Variants in BPIFB1 observed in about 807,000 individuals in gnomAD.
The protein encoded by BPIFB1 is BPI fold-containing family B member 1.
BPIFB1 carries 34 observed loss-of-function variants against 55.1 expected under a neutral mutation model. The observed-to-expected ratio is 0.62, with a 90% CI of 0.47 to 0.82. BPIFB1 has a LOEUF of 0.82. BPIFB1 is among the 40% of genes least tolerant of loss of function. The pLI, the probability that BPIFB1 is intolerant of heterozygous loss-of-function variation, is 0.00. For synonymous variants in BPIFB1, 236 were observed against 245.3 expected, an observed-to-expected ratio of 0.96 and a Z score of 0.35; for missense variants, 532 against 593.1, an observed-to-expected ratio of 0.90 and a Z score of 1.07.
At chr20:33,294,448 C>A (rs958517126) in intron 6 of BPIFB1, among the ~76,000 whole-genome samples, 1 of 152,112 alleles carries the variant, frequency 6.6e-6, no homozygotes, top group Non-Finnish European at 1.5e-5. Flanking sequence ...GAGACTCCGA[C>A]CTTTTAGCAA....
In BPIFB1 at chr20:33,295,778, G is replaced by A. The variant is rs1005022996; in HGVS notation, c.598-1747G>A. On this transcript the variant is annotated intron_variant, in intron 6 of 15. Coordinates refer to ENST00000253354, the MANE Select transcript of BPIFB1 (RefSeq NM_033197.3). ...AGAAAGAGAGAGAGAAGAAAGGAAG[G>A]AAAGAAGGAAGGAAGGAAGGGGAAG... Among the ~76,000 whole-genome samples, 45 of 145,110 alleles carry A rather than the reference G, an allele frequency of 3.1e-4. 2 individuals carry two copies. The highest frequency in any genetic ancestry group is 6.2e-4 in the Admixed American group (9 of 14,428).
intron 13 of BPIFB1, among the ~76,000 whole-genome samples, chr20:33,305,667 C>G (rs1416006923): frequency 3.3e-5 from 5 of 152,124 alleles, no homozygotes; most frequent in Non-Finnish European, 5.9e-5. Flanking sequence ...GGACTTCTGG[C>G]TTCCCTCCAG....
intron 13 of BPIFB1, 37 bp downstream of exon 13, chr20:33,304,928 G>C (rs770521223): frequency 6.2e-7 from 1 of 1,610,866 alleles, no homozygotes; most frequent in Non-Finnish European, 8.5e-7. Flanking sequence ...GGCACAGGGG[G>C]TGGCCTGGAA....
At chr20:33,299,835 C>A in intron 7 of BPIFB1, 64 bp from the exon 8 acceptor site, 1 of 1,352,390 alleles carries the variant, frequency 7.4e-7, no homozygotes, top group Non-Finnish European at 1.1e-6. Flanking sequence ...GGAAGCAGCC[C>A]CCCAACTTCC....
At chr20:33,299,009 CT>C in intron 7 of BPIFB1, 1 of 145,526 alleles carries the variant, frequency 6.9e-6, no homozygotes, top group Non-Finnish European at 1.3e-5. Context: ...GACCTTTTTT[CT>C]TTTTTTAAAG....
chr20:33,286,743 T>C (rs1048078771), intron 2 of BPIFB1, among the ~76,000 whole-genome samples: 2 of 152,250 alleles, frequency 1.3e-5, no homozygotes, highest in Non-Finnish European at 2.9e-5. Context: ...ACCTCAGCAC[T>C]TCTGATGTTG....
intron 11 of BPIFB1, 71 bp from the exon 12 acceptor site, chr20:33,303,887 C>T: frequency 6.7e-7 from 1 of 1,497,802 alleles, no homozygotes; most frequent in Non-Finnish European, 9.3e-7. Flanking sequence ...CCCAGAGCCT[C>T]CCTGCATAAC....
At chr20:33,290,730 G>C (rs942709973) in intron 4 of BPIFB1, among the ~76,000 whole-genome samples, 16 of 152,210 alleles carry the variant, frequency 1.1e-4, no homozygotes, top group Non-Finnish European at 1.9e-4. Flanking sequence ...GGAGTAGGGG[G>C]CTGGGGGTAA....
intron 15 of BPIFB1, 200 bp downstream of exon 15, chr20:33,307,187 C>G: frequency 1.8e-6 from 1 of 560,332 alleles, no homozygotes; most frequent in Non-Finnish European, 3.2e-6. Context: ...AGCCTGGGGT[C>G]AGTACACTTT....
chr20:33,306,842 C>T, intron 14 of BPIFB1, 69 bp from the exon 15 acceptor site: 1 of 1,379,108 alleles, frequency 7.3e-7, no homozygotes, highest in Non-Finnish European at 1.0e-6. Context: ...TTCAGGAACC[C>T]TGAGCCTGCC....
At chr20:33,302,250 C>T in intron 9 of BPIFB1, 109 bp from the exon 10 acceptor site, 1 of 1,150,556 alleles carries the variant, frequency 8.7e-7, no homozygotes, top group Non-Finnish European at 1.3e-6. Context: ...TCACTGGGCC[C>T]ACCCAGCTTT....
intron 4 of BPIFB1, among the ~76,000 whole-genome samples, chr20:33,290,242 G>A (rs192195877): frequency 4.7e-4 from 71 of 152,322 alleles, no homozygotes; most frequent in African/African-American, 1.7e-3. Context: ...GGCCTCTTGG[G>A]AGAAGATAAG....
chr20:33,295,487 T>A (rs1385794134), intron 6 of BPIFB1, among the ~76,000 whole-genome samples: 1 of 151,606 alleles, frequency 6.6e-6, no homozygotes, highest in Non-Finnish European at 1.5e-5. Context: ...GCGCCTGTAA[T>A]CCCAGTTACT....
At chr20:33,284,132 T>G (rs914398642) in intron 1 of BPIFB1, among the ~76,000 whole-genome samples, 1 of 152,200 alleles carries the variant, frequency 6.6e-6, no homozygotes, top group African/African-American at 2.4e-5. Context: ...CACAAATAGA[T>G]TGTCTCATTT....
chr20:33,292,789 A>G (rs1980516198), intron 6 of BPIFB1, among the ~76,000 whole-genome samples: 1 of 152,248 alleles, frequency 6.6e-6, no homozygotes, highest in South Asian at 2.1e-4. Context: ...AATTGAATTC[A>G]TCCACATTAA....
At chr20:33,298,794 C>T (rs74762271) in intron 7 of BPIFB1, 17 of 146,486 alleles carry the variant, frequency 1.2e-4, no homozygotes, top group East Asian at 8.1e-4. Flanking sequence ...TTCCTTTTTT[C>T]TTTTTTTTTT....
intron 11 of BPIFB1, among the ~76,000 whole-genome samples, chr20:33,303,518 G>A (rs934901055): frequency 2.6e-5 from 4 of 152,094 alleles, no homozygotes; most frequent in African/African-American, 9.7e-5. Context: ...GGCAATCACC[G>A]CAGGAAGAAC....
chr20:33,307,167 G>A, intron 15 of BPIFB1, 180 bp downstream of exon 15: 3 of 607,412 alleles, frequency 4.9e-6, no homozygotes, highest in South Asian at 2.0e-5. Context: ...GCTGAGGATG[G>A]AACCCTCCTA....
intron 3 of BPIFB1, among the ~76,000 whole-genome samples, chr20:33,289,341 A>G (rs929468268): frequency 1.4e-5 from 2 of 146,118 alleles, no homozygotes; most frequent in Admixed American, 1.4e-4. Context: ...AGATGGTGCC[A>G]TTGCACTCCA....
Sources: gnomAD v4.1 joint callset for allele counts (sites outside exome capture counted in the v4.1 genomes callset) on GRCh38, gnomAD v4.1.1 for gene constraint, MANE v1.5 for transcripts, NCBI Gene and HGNC (gene_info 2026-07-23, HGNC 2026-07-21) for gene names.